The following TMEM74 variants were observed in gnomAD, a reference collection of about 807,000 sequenced individuals.
TMEM74 encodes transmembrane protein 74.
Under a neutral mutation model 18.1 loss-of-function variants are expected in TMEM74, and 13 were observed. The observed-to-expected ratio is 0.72, with a 90% confidence interval of 0.47 to 1.14. The LOEUF is 1.14. TMEM74 is among the 50% of genes most tolerant of loss of function. The probability of loss-of-function intolerance (pLI) is 0.00; values close to 1 mark genes in which losing one functional copy is unlikely to be tolerated. For synonymous variants in TMEM74, 159 were observed against 146.6 expected (o/e 1.08, Z -0.61); for missense variants, 372 against 375.9 (o/e 0.99, Z 0.09).
chr8:108,680,706 G>C (rs1394547886), intron 1 of TMEM74, among the ~76,000 whole-genome samples: 4 of 152,280 alleles, frequency 2.6e-5, no homozygotes, highest in East Asian at 3.9e-4. Context: ...TATTCAATTA[G>C]GAAAAGAGGA....
rs1484653576 is a variant in TMEM74 at position 108,785,000 on chromosome 8, T to C, written c.99A>G (p.Thr33=). ...AGCAGAGAGCAGCTCTTGTGGCTGC[T>C]GTATCTGCCTGGTCACCAGGCAGCC... is the stretch of plus-strand genomic sequence containing the variant. ...SRGLPGDQAD[T]AATRAALCCQ... The change falls in exon 2 of 2, where the codon ACA becomes ACG. Residue 33 remains threonine (T), a synonymous_variant. Transcript: ENST00000297459. 6.2e-7 allele frequency: 1 copy of C among 1,614,184 alleles called. No homozygotes were observed.
chr8:108,641,330 A>C (rs1410735101), intron 2 of TMEM74, among the ~76,000 whole-genome samples: 1 of 152,132 alleles, frequency 6.6e-6, no homozygotes, highest in Non-Finnish European at 1.5e-5. Context: ...AAAAAATACA[A>C]AATACATGCC....
At chr8:108,631,515 T>A (rs905885692) in intron 2 of TMEM74, among the ~76,000 whole-genome samples, 1 of 152,022 alleles carries the variant, frequency 6.6e-6, no homozygotes, top group African/African-American at 2.4e-5. Flanking sequence ...TAGAGACTTG[T>A]ATTTGGTTTG....
chr8:108,629,023 C>G (rs939607188), intron 2 of TMEM74, among the ~76,000 whole-genome samples: 6 of 151,804 alleles, frequency 4.0e-5, no homozygotes, highest in Non-Finnish European at 5.9e-5. Flanking sequence ...TTCTTGTACA[C>G]TCTGGATATT....
intron 1 of TMEM74, among the ~76,000 whole-genome samples, chr8:108,705,825 T>C (rs1813391485): frequency 6.6e-6 from 1 of 152,224 alleles, no homozygotes; most frequent in Non-Finnish European, 1.5e-5. Context: ...CAATCACAGA[T>C]ACTCTCATTA....
At chr8:108,642,512 C>G (rs968465730) in intron 2 of TMEM74, among the ~76,000 whole-genome samples, 2 of 152,004 alleles carry the variant, frequency 1.3e-5, no homozygotes, top group African/African-American at 4.8e-5. Context: ...ATTGTCTGCA[C>G]ACTTTCGACT....
At chr8:108,670,694 A>T (rs116039182) in intron 1 of TMEM74, among the ~76,000 whole-genome samples, 4,466 of 152,258 alleles carry the variant, frequency 0.029, 121 homozygotes, top group African/African-American at 0.066. Context: ...GATACAGAAA[A>T]ACATGAAAGA....
intron 1 of TMEM74, among the ~76,000 whole-genome samples, chr8:108,705,480 T>A (rs192836305): frequency 6.6e-6 from 1 of 152,248 alleles, no homozygotes. Context: ...CCCATATGGT[T>A]CTTATATACA....
chr8:108,690,044 C>CAT (rs1813209448), intron 1 of TMEM74, among the ~76,000 whole-genome samples: 1 of 151,970 alleles, frequency 6.6e-6, no homozygotes, highest in African/African-American at 2.4e-5. Context: ...TACATAAATA[C>CAT]ATATATATAC....
At chr8:108,760,888 T>G (rs192599757) in intron 1 of TMEM74, among the ~76,000 whole-genome samples, 184 of 152,028 alleles carry the variant, frequency 1.2e-3, no homozygotes, top group African/African-American at 4.1e-3. Context: ...GATTGGGTCA[T>G]TGCTGGCTGA....
At chr8:108,777,264 C>T (rs1253679498), downstream of TMEM74, among the ~76,000 whole-genome samples, 4 of 152,186 alleles carry the variant, frequency 2.6e-5, no homozygotes, top group Non-Finnish European at 5.9e-5. Flanking sequence ...TGCACATGAA[C>T]GCAGAATGCC....
chr8:108,695,563 T>A (rs1475432463), intron 1 of TMEM74, among the ~76,000 whole-genome samples: 1 of 152,200 alleles, frequency 6.6e-6, no homozygotes, highest in Admixed American at 6.5e-5. Flanking sequence ...TGCAGGTAAG[T>A]CGTGATCCAC....
chr8:108,674,800 A>G (rs1813037403), intron 1 of TMEM74, among the ~76,000 whole-genome samples: 2 of 152,204 alleles, frequency 1.3e-5, no homozygotes. Context: ...TCCTCCGTAG[A>G]GTTGTGCTGC....
At chr8:108,741,741 A>G (rs1437938690) in intron 1 of TMEM74, among the ~76,000 whole-genome samples, 1 of 152,206 alleles carries the variant, frequency 6.6e-6, no homozygotes, top group African/African-American at 2.4e-5. Context: ...CTTGGGAAAC[A>G]AGGATACCTT....
chr8:108,613,688 G>A (rs1812356737), intron 2 of TMEM74, among the ~76,000 whole-genome samples: 1 of 152,166 alleles, frequency 6.6e-6, no homozygotes, highest in South Asian at 2.1e-4. Flanking sequence ...CAAAGAGAAT[G>A]CAAATGCCAA....
At chr8:108,714,238 G>A (rs981033969) in intron 1 of TMEM74, among the ~76,000 whole-genome samples, 1 of 152,142 alleles carries the variant, frequency 6.6e-6, no homozygotes, top group Non-Finnish European at 1.5e-5. Flanking sequence ...TGGTCTAAAA[G>A]AGAAATAACA....
intron 1 of TMEM74, among the ~76,000 whole-genome samples, chr8:108,680,713 A>G (rs1813104793): frequency 1.3e-5 from 2 of 152,338 alleles, no homozygotes; most frequent in Non-Finnish European, 1.5e-5. Context: ...TTAGGAAAAG[A>G]GGAAGTCAAA....
At chr8:108,731,873 C>G (rs1324911288) in intron 1 of TMEM74, among the ~76,000 whole-genome samples, 1 of 151,938 alleles carries the variant, frequency 6.6e-6, no homozygotes, top group Non-Finnish European at 1.5e-5. Flanking sequence ...TATAGCTCTT[C>G]CTGAGAATCT....
chr8:108,768,135 A>T (rs1165076524), intron 1 of TMEM74, among the ~76,000 whole-genome samples: 1 of 152,148 alleles, frequency 6.6e-6, no homozygotes, highest in Non-Finnish European at 1.5e-5. Context: ...TCTTCACTTA[A>T]GTGTTCCCCA....
Sources: gnomAD v4.1 joint callset for allele counts (sites outside exome capture counted in the v4.1 genomes callset) on GRCh38, gnomAD v4.1.1 for gene constraint, MANE v1.5 for transcripts, NCBI Gene and HGNC (gene_info 2026-07-23, HGNC 2026-07-21) for gene names.